DPP10: variants seen among roughly 807,000 people sequenced by gnomAD.
DPP10 encodes the protein inactive dipeptidyl peptidase 10.
A neutral mutation model predicts 120.9 loss-of-function variants in DPP10; 33 were observed. The ratio of observed to expected loss-of-function variants is 0.27; its 90% CI spans 0.21 to 0.37. The LOEUF (loss-of-function observed/expected upper bound fraction) is 0.37, where lower values mean the gene tolerates loss of function less well. DPP10 is among the 10% of genes least tolerant of loss of function. DPP10 has a pLI of 1.00. For missense variants in DPP10, 816 were observed against 942.8 expected (o/e 0.87, Z 1.76); for synonymous variants, 337 against 326.1 (o/e 1.03, Z -0.36).
intron 1 of DPP10, among the ~76,000 whole-genome samples, chr2:114,519,633 G>T (rs1684885979): frequency 6.6e-6 from 1 of 152,144 alleles, no homozygotes; most frequent in African/African-American, 2.4e-5. Context: ...GCATTCTATA[G>T]GAAAATAGGA....
chr2:115,111,734 C>T (rs1452016477), intron 1 of DPP10, among the ~76,000 whole-genome samples: 2 of 152,148 alleles, frequency 1.3e-5, no homozygotes, highest in East Asian at 3.9e-4. Flanking sequence ...AAAATTCAGG[C>T]CACATGTAAT....
At chr2:115,094,870 G>A (rs1709583154) in intron 1 of DPP10, among the ~76,000 whole-genome samples, 1 of 152,054 alleles carries the variant, frequency 6.6e-6, no homozygotes, top group South Asian at 2.1e-4. Context: ...TATTATGTAG[G>A]TGCATACATA....
At chr2:115,158,352 T>C (rs547911137) in intron 1 of DPP10, among the ~76,000 whole-genome samples, 20 of 152,314 alleles carry the variant, frequency 1.3e-4, no homozygotes, top group African/African-American at 4.6e-4. Context: ...TTCCTGTTTT[T>C]AAAGGGTAAA....
intron 1 of DPP10, among the ~76,000 whole-genome samples, chr2:115,280,635 T>G (rs2060121367): frequency 6.6e-6 from 1 of 152,222 alleles, no homozygotes; most frequent in South Asian, 2.1e-4. Flanking sequence ...AGAAATTATC[T>G]CTGTTGAAGA....
At chr2:115,683,849 C>A (rs1046017706) in intron 5 of DPP10, among the ~76,000 whole-genome samples, 11 of 151,574 alleles carry the variant, frequency 7.3e-5, no homozygotes, top group Non-Finnish European at 1.2e-4. Flanking sequence ...GCATTTTTTT[C>A]TTTCTTATTG....
At chr2:114,977,832 C>T (rs912210126) in intron 1 of DPP10, among the ~76,000 whole-genome samples, 1 of 151,570 alleles carries the variant, frequency 6.6e-6, no homozygotes, top group Non-Finnish European at 1.5e-5. Flanking sequence ...GTACCCAATT[C>T]CAGAATTTTC....
chr2:115,341,165 T>C (rs1413344990), intron 2 of DPP10, among the ~76,000 whole-genome samples: 1 of 152,148 alleles, frequency 6.6e-6, no homozygotes, highest in Non-Finnish European at 1.5e-5. Flanking sequence ...CAAAAAGCAC[T>C]TATCCTTTTA....
intron 1 of DPP10, among the ~76,000 whole-genome samples, chr2:115,173,924 C>T (rs2053533192): frequency 6.6e-6 from 1 of 152,110 alleles, no homozygotes; most frequent in Admixed American, 6.5e-5. Context: ...AAGAAGAGTT[C>T]CTCCCACCTA....
chr2:115,517,435 G>A (rs968009625), intron 4 of DPP10, among the ~76,000 whole-genome samples: 8 of 152,030 alleles, frequency 5.3e-5, no homozygotes, highest in Non-Finnish European at 1.0e-4. Flanking sequence ...TTTAATCTTA[G>A]TTGGTCTTGA....
chr2:115,839,972 C>A (rs1318153179), intron 24 of DPP10, among the ~76,000 whole-genome samples: 1 of 152,018 alleles, frequency 6.6e-6, no homozygotes, highest in Non-Finnish European at 1.5e-5. Flanking sequence ...ATGGGGTATT[C>A]TTTTCTAATT....
Position 115,669,486 on chromosome 2 carries a change from C to T in DPP10, c.442-20201C>T, listed in dbSNP as rs1232998711. Among the ~76,000 whole-genome samples the T allele has an allele frequency of 2.6e-5, 4 of 152,070 alleles. 1 individual carries two copies. Among genetic ancestry groups the T allele is most frequent in the East Asian group, 1.9e-4 (1 of 5,192 alleles). On this transcript the variant is annotated intron_variant, in intron 5 of 25. Coordinates refer to ENST00000410059, the MANE Select transcript of DPP10 (RefSeq NM_020868.6). Reference sequence around the variant, plus strand: ...CTTTCCCAAAATGTCTTAAGGAAAACGACTTAAATGGTTCATATAGTCAGA... The same window carrying T: ...CTTTCCCAAAATGTCTTAAGGAAAATGACTTAAATGGTTCATATAGTCAGA...
intron 13 of DPP10, among the ~76,000 whole-genome samples, chr2:115,770,926 C>T (rs1180932074): frequency 2.0e-5 from 3 of 152,110 alleles, no homozygotes; most frequent in African/African-American, 7.2e-5. Flanking sequence ...AGATTTGTAA[C>T]ATTAAAAGAA....
intron 7 of DPP10, among the ~76,000 whole-genome samples, chr2:115,717,613 T>C (rs1469896903): frequency 6.6e-6 from 1 of 151,976 alleles, no homozygotes; most frequent in Admixed American, 6.6e-5. Context: ...AAAATATATA[T>C]GTATGTATAT....
At chr2:115,180,151 C>A (rs891304197) in intron 1 of DPP10, among the ~76,000 whole-genome samples, 5 of 152,126 alleles carry the variant, frequency 3.3e-5, no homozygotes, top group Non-Finnish European at 5.9e-5. Flanking sequence ...TTTTAGAGTT[C>A]AGATTAGGCT....
chr2:114,984,303 C>G (rs532473446), intron 1 of DPP10, among the ~76,000 whole-genome samples: 1 of 151,930 alleles, frequency 6.6e-6, no homozygotes, highest in Admixed American at 6.6e-5. Flanking sequence ...GAATATGAAC[C>G]CTGGTTTGCA....
intron 5 of DPP10, among the ~76,000 whole-genome samples, chr2:115,568,038 CATAGTG>C (rs1326260453): frequency 6.6e-6 from 1 of 152,068 alleles, no homozygotes; most frequent in Non-Finnish European, 1.5e-5. Context: ...ATTAGCCAGG[CATAGTG>C]GCGCAAGCCT....
intron 5 of DPP10, among the ~76,000 whole-genome samples, chr2:115,583,811 A>G (rs1340357492): frequency 6.6e-6 from 1 of 152,192 alleles, no homozygotes; most frequent in Non-Finnish European, 1.5e-5. Flanking sequence ...GTTCTACTCT[A>G]TGAGGATAAG....
chr2:115,600,795 ATATT>A (rs751038613), intron 5 of DPP10, among the ~76,000 whole-genome samples: 12 of 152,238 alleles, frequency 7.9e-5, no homozygotes, highest in Non-Finnish European at 1.6e-4. Context: ...CTTCAGTTGA[ATATT>A]TCTGTTTGAT....
At chr2:115,625,479 G>A (rs1214382153) in intron 5 of DPP10, among the ~76,000 whole-genome samples, 1 of 152,084 alleles carries the variant, frequency 6.6e-6, no homozygotes, top group Admixed American at 6.5e-5. Context: ...TAGTTTCAGT[G>A]GAGCTACTCC....
Sources: gnomAD v4.1 joint callset for allele counts (sites outside exome capture counted in the v4.1 genomes callset) on GRCh38, gnomAD v4.1.1 for gene constraint, MANE v1.5 for transcripts, NCBI Gene and HGNC (gene_info 2026-07-23, HGNC 2026-07-21) for gene names.